EPM2A: variants seen among roughly 807,000 people sequenced by gnomAD.
EPM2A encodes EPM2A glucan phosphatase, laforin, also known as laforin.
EPM2A carries 21 observed loss-of-function variants against 26.5 expected under a neutral mutation model. The ratio of observed to expected loss-of-function variants is 0.79; its 90% CI spans 0.56 to 1.14. The LOEUF is 1.14. Ranked by LOEUF, EPM2A falls within the 50% of genes most tolerant of loss-of-function variation. The pLI is 0.00. For missense variants in EPM2A, 458 were observed against 440.8 expected (o/e 1.04, Z -0.35); for synonymous variants, 217 against 177.6 (o/e 1.22, Z -1.76).
intron 2 of EPM2A, among the ~76,000 whole-genome samples, chr6:145,553,242 G>A (rs151174834): frequency 5.9e-5 from 9 of 152,228 alleles, no homozygotes; most frequent in East Asian, 5.8e-4. Context: ...CTCACCAGCC[G>A]TGCATAATCA....
intron 2 of EPM2A, among the ~76,000 whole-genome samples, chr6:145,510,476 T>A (rs1309598153): frequency 1.3e-5 from 2 of 152,100 alleles, no homozygotes; most frequent in African/African-American, 2.4e-5. Flanking sequence ...AATAAACCAC[T>A]TGCTCCTGAA....
At chr6:145,521,775 G>T (rs996556486) in intron 2 of EPM2A, among the ~76,000 whole-genome samples, 3 of 152,178 alleles carry the variant, frequency 2.0e-5, no homozygotes, top group African/African-American at 4.8e-5. Flanking sequence ...AGTGGTTGGA[G>T]ATTAGGATGA....
intron 2 of EPM2A, among the ~76,000 whole-genome samples, chr6:145,679,448 A>T (rs1385900856): frequency 1.3e-5 from 2 of 152,068 alleles, no homozygotes; most frequent in Non-Finnish European, 2.9e-5. Context: ...ATATTTAAAA[A>T]GAAAAAAAAG....
At chr6:145,395,621 T>C (rs1161807812) in intron 4 of EPM2A, among the ~76,000 whole-genome samples, 1 of 152,162 alleles carries the variant, frequency 6.6e-6, no homozygotes, top group Non-Finnish European at 1.5e-5. Context: ...ACTGACCTGC[T>C]ATAAGACACT....
intron 4 of EPM2A, among the ~76,000 whole-genome samples, chr6:145,486,230 G>A (rs1376000196): frequency 1.3e-5 from 2 of 152,164 alleles, no homozygotes; most frequent in South Asian, 2.1e-4. Flanking sequence ...TGCAGATGAA[G>A]GTCACCCCAG....
At chr6:145,504,371 C>T (rs1413110961) in intron 2 of EPM2A, among the ~76,000 whole-genome samples, 1 of 124,888 alleles carries the variant, frequency 8.0e-6, no homozygotes, top group Non-Finnish European at 1.7e-5. Context: ...TATCCAGAAT[C>T]TACAATGAAC....
chr6:145,581,679 GA>G (rs1439649174), intron 2 of EPM2A, among the ~76,000 whole-genome samples: 1 of 152,126 alleles, frequency 6.6e-6, no homozygotes, highest in East Asian at 1.9e-4. Flanking sequence ...TATGATGTAA[GA>G]AAGGGGTCCA....
chr6:145,399,787 C>T (rs900046382), intron 4 of EPM2A, among the ~76,000 whole-genome samples: 3 of 152,054 alleles, frequency 2.0e-5, no homozygotes, highest in African/African-American at 7.2e-5. Flanking sequence ...GAAAATATTT[C>T]CAAATAAACC....
intron 4 of EPM2A, among the ~76,000 whole-genome samples, chr6:145,407,663 C>T (rs1346105363): frequency 2.0e-5 from 3 of 152,086 alleles, no homozygotes; most frequent in Non-Finnish European, 4.4e-5. Flanking sequence ...AGTTATTTCC[C>T]TTTATAGCTT....
chr6:145,419,130 G>A (rs1022944312), intron 4 of EPM2A, among the ~76,000 whole-genome samples: 8 of 151,046 alleles, frequency 5.3e-5, no homozygotes, highest in African/African-American at 1.9e-4. Flanking sequence ...TCTCTTGGGT[G>A]GCTTTTTAAA....
At chr6:145,478,478 T>A (rs1779568507) in intron 4 of EPM2A, among the ~76,000 whole-genome samples, 1 of 151,858 alleles carries the variant, frequency 6.6e-6, no homozygotes. Context: ...AAAGCTATCC[T>A]AAGCAAAAAG....
rs537441103 is a variant in EPM2A, at chr6:145,653,999, T to A, written c.477-18513A>T. On this transcript the variant is annotated intron_variant, in intron 2 of 3. Coordinates refer to ENST00000367519, the MANE Select transcript of EPM2A (RefSeq NM_005670.4). Reference sequence around the variant, plus strand: ...ATCTTGTCTAGATTTATTTAATTTATATATTGCTGCTGAAATAGCCAGGCC... The same window carrying A: ...ATCTTGTCTAGATTTATTTAATTTAAATATTGCTGCTGAAATAGCCAGGCC... Among the ~76,000 whole-genome samples the A allele has an allele frequency of 2.6e-5, 4 of 152,318 alleles. No homozygotes were observed. The East Asian group carries it at 7.7e-4, about 29-fold the overall frequency.
chr6:145,725,711 G>A (rs972284899), intron 1 of EPM2A, among the ~76,000 whole-genome samples: 1 of 151,980 alleles, frequency 6.6e-6, no homozygotes, highest in Non-Finnish European at 1.5e-5. Flanking sequence ...ATTGTGGAAA[G>A]GCAAAACTAT....
At chr6:145,409,450 C>T (rs1218470156) in intron 4 of EPM2A, among the ~76,000 whole-genome samples, 1 of 152,138 alleles carries the variant, frequency 6.6e-6, no homozygotes, top group East Asian at 1.9e-4. Context: ...TCTAATTCCA[C>T]ACTCAGTATC....
chr6:145,692,183 G>A (rs910210289), intron 1 of EPM2A, among the ~76,000 whole-genome samples: 2 of 151,966 alleles, frequency 1.3e-5, no homozygotes, highest in African/African-American at 2.4e-5. Context: ...AACTTTAACT[G>A]TGTATATATC....
chr6:145,652,611 A>G (rs1251149088), intron 2 of EPM2A, among the ~76,000 whole-genome samples: 1 of 151,926 alleles, frequency 6.6e-6, no homozygotes, highest in Non-Finnish European at 1.5e-5. Flanking sequence ...AGCCCCTAGA[A>G]CACTCCCCTC....
Position 145,635,505 on chromosome 6 carries a change from G to A in EPM2A, c.477-19C>T, listed in dbSNP as rs745494399. ...TAGAATTCTAATGAGAACATATGGA[G>A]ACAACTATCACTAGTGTTGTTCTGA... On this transcript the variant is annotated intron_variant, in intron 2 of 3. Coordinates refer to ENST00000367519, the MANE Select transcript of EPM2A (RefSeq NM_005670.4). 1.1e-5 allele frequency: 17 copies of A among 1,613,360 alleles called. No individual in the cohort carries two copies. The highest frequency in any genetic ancestry group is 1.4e-5 in the Non-Finnish European group (17 of 1,179,374).
Position 145,489,828 on chromosome 6 carries a change from T to C in EPM2A, c.555+12694A>G, listed in dbSNP as rs573911221. The C allele has an allele frequency of 9.7e-6, 14 of 1,447,644 alleles. No individual in the cohort carries two copies. The African/African-American group carries it at 1.8e-4, about 19-fold the overall frequency. The allele number at this position is 1,447,644 out of a possible 1,614,324, so 89.7% of individuals were successfully genotyped here. On this transcript the variant is annotated intron_variant, in intron 4 of 4. Transcript: ENST00000638717. ...CGTGGTCCAAGTCTGCTTCTAGAAGTTCAGTTTGTACTTCCACTGGCACCT... is the reference window on the plus strand; with the variant it reads ...CGTGGTCCAAGTCTGCTTCTAGAAGCTCAGTTTGTACTTCCACTGGCACCT...
intron 1 of EPM2A, among the ~76,000 whole-genome samples, chr6:145,714,868 G>T (rs1775530883): frequency 6.6e-6 from 1 of 152,166 alleles, no homozygotes; most frequent in Admixed American, 6.5e-5. Context: ...TAACATGTGG[G>T]AATTCAAGAT....
Sources: gnomAD v4.1 joint callset for allele counts (sites outside exome capture counted in the v4.1 genomes callset) on GRCh38, gnomAD v4.1.1 for gene constraint, MANE v1.5 for transcripts, NCBI Gene and HGNC (gene_info 2026-07-23, HGNC 2026-07-21) for gene names.